ZNF462: variants seen among roughly 807,000 people sequenced by gnomAD.
ZNF462 encodes the protein zinc finger protein 462.
In ZNF462, 10 loss-of-function variants were observed where a neutral mutation model predicts 201.9. The ratio of observed to expected loss-of-function variants is 0.05; its 90% CI spans 0.03 to 0.08. The LOEUF (loss-of-function observed/expected upper bound fraction) is 0.08, where lower values mean the gene tolerates loss of function less well. ZNF462 is among the 10% of genes least tolerant of loss of function. The pLI, the probability that ZNF462 is intolerant of heterozygous loss-of-function variation, is 1.00. For missense variants in ZNF462, 2,523 were observed against 3,168.3 expected (o/e 0.80, Z 4.89); for synonymous variants, 1,227 against 1,193.3 (o/e 1.03, Z -0.58).
At position 106,901,140 on chromosome 9, in the gene ZNF462, T is replaced by C. The variant is rs148905659; in HGVS notation, c.-30-22214T>C. On this transcript the variant is annotated intron_variant, in intron 1 of 12. Transcript: ENST00000277225. ...TCCCAGTAATTGGCTAATTGGATAA[T>C]TTCAACAAATTTCAACCATTTGTTG... 5.3e-3 allele frequency among the ~76,000 whole-genome samples: 811 copies of C among 152,288 alleles called. 4 individuals are homozygous for C. The highest frequency in any genetic ancestry group is 9.7e-3 in the Non-Finnish European group (663 of 68,004).
intron 7 of ZNF462, among the ~76,000 whole-genome samples, chr9:106,939,547 G>T (rs557536910): frequency 6.6e-6 from 1 of 152,188 alleles, no homozygotes; most frequent in African/African-American, 2.4e-5. Flanking sequence ...AGTGCAAAGG[G>T]TGAATGAGTG....
intron 10 of ZNF462, among the ~76,000 whole-genome samples, chr9:106,990,152 T>G (rs1828155040): frequency 6.6e-6 from 1 of 152,102 alleles, no homozygotes. Context: ...AATTTTTAAA[T>G]TTTCATCTTG....
rs1357677937 is a variant in ZNF462, at chr9:107,003,482, G to A, written c.7189+56G>A. ...ATGGCATCTGGCATGTCCGTAGTGA[G>A]ACAGAAGGGAGGCAGGAGGTTGTTG... On this transcript the variant is annotated intron_variant, in intron 11 of 12. Transcript: ENST00000277225. The surrounding 1 kb of genome is among the most constrained non-coding windows in gnomAD (Gnocchi z 4.4). 6.3e-7 allele frequency: 1 copy of A among 1,592,616 alleles called. No individual in the cohort carries two copies. The highest frequency in any genetic ancestry group is 1.1e-5 in the South Asian group (1 of 87,886).
intron 7 of ZNF462, among the ~76,000 whole-genome samples, chr9:106,943,435 T>C (rs1056955104): frequency 1.3e-5 from 2 of 152,214 alleles, no homozygotes; most frequent in African/African-American, 4.8e-5. Flanking sequence ...GCTTTCTCCA[T>C]TGCACAGTGG....
At chr9:106,945,079 C>T (rs572312561) in intron 7 of ZNF462, among the ~76,000 whole-genome samples, 1 of 152,230 alleles carries the variant, frequency 6.6e-6, no homozygotes, top group South Asian at 2.1e-4. Flanking sequence ...CAGCAATACC[C>T]ATGAGATTAA....
chr9:106,914,284 A>T (rs539423374), intron 1 of ZNF462, among the ~76,000 whole-genome samples: 1 of 138,604 alleles, frequency 7.2e-6, no homozygotes, highest in South Asian at 2.8e-4. Flanking sequence ...GAGATCATTA[A>T]GTTTTCAGTC....
intron 1 of ZNF462, among the ~76,000 whole-genome samples, chr9:106,864,041 T>TCGCGCG (rs1564062298): frequency 2.1e-4 from 5 of 23,994 alleles, no homozygotes. Context: ...GGTATTTGGC[T>TCGCGCG]CTCTCTCTCT....
intron 6 of ZNF462, among the ~76,000 whole-genome samples, chr9:106,937,341 C>T (rs965433082): frequency 3.3e-5 from 5 of 152,066 alleles, no homozygotes; most frequent in African/African-American, 1.2e-4. Flanking sequence ...CACATGTGAA[C>T]CCATTTAGTA....
rs1000436778 is a variant in ZNF462, at chr9:106,963,336, T to A, written c.6428-8669T>A. Among the ~76,000 whole-genome samples the A allele has an allele frequency of 1.3e-5, 2 of 152,122 alleles. No homozygotes were observed. The highest frequency in any genetic ancestry group is 2.9e-5 in the Non-Finnish European group (2 of 67,990). On this transcript the variant is annotated intron_variant, in intron 7 of 12. Coordinates refer to ENST00000277225, the MANE Select transcript of ZNF462 (RefSeq NM_021224.6). This position sits in a 1 kb window ranked among gnomAD's most constrained non-coding sequence, Gnocchi z 4.7. ...TGTGTTACACACTGTTTTAATAACT[T>A]AAAACAATATATATGTATCTGGACT...
chr9:106,990,163 A>G (rs1828155908), intron 10 of ZNF462, among the ~76,000 whole-genome samples: 1 of 152,074 alleles, frequency 6.6e-6, no homozygotes, highest in Non-Finnish European at 1.5e-5. Context: ...TTTCATCTTG[A>G]TATCATTTTT....
At position 106,913,793 on chromosome 9, in the gene ZNF462, G is replaced by A. The variant is rs1427066370; in HGVS notation, c.-30-9561G>A. Reference sequence around the variant, plus strand: ...TTGTGTGTGTTTTTAATAGAGAAGAGGTTTTACCATGTTGGCTAGGCTGGT... The same window carrying A: ...TTGTGTGTGTTTTTAATAGAGAAGAAGTTTTACCATGTTGGCTAGGCTGGT... On this transcript the variant is annotated intron_variant, in intron 1 of 12. Transcript: ENST00000277225. This position sits in a 1 kb window ranked among gnomAD's most constrained non-coding sequence, Gnocchi z 4.1. 2.7e-5 allele frequency among the ~76,000 whole-genome samples: 4 copies of A among 150,222 alleles called. No individual in the cohort carries two copies. The East Asian group carries it at 7.8e-4, about 29-fold the overall frequency.
chr9:106,924,554 C>A lies in ZNF462; in HGVS notation c.642C>A (p.Asp214Glu). Residue 214 changes from aspartate to glutamate, a missense_variant, in exon 3 of 13, where the codon GAC becomes GAA. Coordinates refer to ENST00000277225, the MANE Select transcript of ZNF462 (RefSeq NM_021224.6). This position sits in a 1 kb window ranked among gnomAD's most constrained non-coding sequence, Gnocchi z 6.2. ...TGGTTCCGCCCGTATCACTGCAGGA[C>A]CCCTGCAAGGAACTGCCAGCAGAGG... ...DPVVPPVSLQDPCKELPAEVV... is the reference protein window; with the variant it reads ...DPVVPPVSLQEPCKELPAEVV... 6.2e-7 allele frequency: 1 copy of A among 1,614,162 alleles called. No individual in the cohort carries two copies. Among genetic ancestry groups the A allele is most frequent in the East Asian group, 2.2e-5 (1 of 44,886 alleles).
intron 1 of ZNF462, among the ~76,000 whole-genome samples, chr9:106,912,257 G>A (rs1829583285): frequency 7.4e-6 from 1 of 135,160 alleles, no homozygotes; most frequent in Non-Finnish European, 1.6e-5. Flanking sequence ...GACTCCATGA[G>A]GTTGGATTCT....
At position 106,923,636 on chromosome 9, in the gene ZNF462, T is replaced by A. The variant is rs767735382; in HGVS notation, c.220+33T>A. On this transcript the variant is annotated intron_variant, in intron 2 of 12. Transcript: ENST00000277225. This position sits in a 1 kb window ranked among gnomAD's most constrained non-coding sequence, Gnocchi z 5.6. The stretch of plus-strand genomic sequence containing the variant: ...TATACTAAACTTGGCACGGCCGATG[T>A]ATTTTAATTGCTCTTGTTTCCTTTT... 3 of 1,598,308 alleles carry A rather than the reference T, an allele frequency of 1.9e-6. No individual in the cohort carries two copies. In the African/African-American group the frequency reaches 4.0e-5, roughly 21 times the overall value.
At chr9:106,894,038 A>G (rs2131087477) in intron 1 of ZNF462, among the ~76,000 whole-genome samples, 1 of 152,364 alleles carries the variant, frequency 6.6e-6, no homozygotes, top group South Asian at 2.1e-4. Flanking sequence ...GTATTTCCTC[A>G]TTTAATCCTT....
Position 106,972,074 on chromosome 9 carries a change from G to C in ZNF462, c.6497G>C (p.Arg2166Thr). Residue 2166 changes from arginine (R) to threonine (T), a missense_variant, in exon 8 of 13, where the codon AGG becomes ACG. Coordinates refer to ENST00000277225, the MANE Select transcript of ZNF462 (RefSeq NM_021224.6). This position sits in a 1 kb window ranked among gnomAD's most constrained non-coding sequence, Gnocchi z 4.8. Reference protein sequence around the residue: ...LNHYQSAALARNNSRVSPVPL... With the variant: ...LNHYQSAALATNNSRVSPVPL... ...CACTATCAGTCAGCTGCCCTGGCAA[G>C]GAACAACAGCCGTGTTAGCCCTGTG... 6.2e-7 allele frequency: 1 copy of C among 1,614,162 alleles called. No individual in the cohort carries two copies. Among genetic ancestry groups the C allele is most frequent in the Non-Finnish European group, 8.5e-7 (1 of 1,180,008 alleles).
chr9:106,986,980 G>C (rs770225507), intron 10 of ZNF462, among the ~76,000 whole-genome samples: 3 of 23,960 alleles, frequency 1.3e-4, no homozygotes, highest in Non-Finnish European at 3.1e-4. Context: ...TTCCATCATA[G>C]ATAGATAGAT....
chr9:106,955,686 C>T (rs938843850), intron 7 of ZNF462, among the ~76,000 whole-genome samples: 6 of 152,192 alleles, frequency 3.9e-5, no homozygotes, highest in African/African-American at 1.4e-4. Flanking sequence ...TCAATATTCT[C>T]AAACCCTGCC....
intron 1 of ZNF462, among the ~76,000 whole-genome samples, chr9:106,894,774 T>A (rs1344802935): frequency 6.6e-6 from 1 of 152,146 alleles, no homozygotes; most frequent in Non-Finnish European, 1.5e-5. Flanking sequence ...TAAAATAAAC[T>A]GAATTTTGAA....
Sources: gnomAD v4.1 joint callset for allele counts (sites outside exome capture counted in the v4.1 genomes callset) on GRCh38, gnomAD v4.1.1 for gene constraint, Gnocchi (gnomAD v3.1) non-coding constraint, MANE v1.5 for transcripts, NCBI Gene and HGNC (gene_info 2026-07-23, HGNC 2026-07-21) for gene names.